SPATA9: variants seen among roughly 807,000 people sequenced by gnomAD.
SPATA9 encodes the protein spermatogenesis associated 9, also known as spermatogenesis-associated protein 9.
SPATA9 carries 27 observed loss-of-function variants against 25.5 expected under a neutral mutation model. The observed-to-expected ratio is 1.06, with a 90% CI of 0.78 to 1.46. The LOEUF is 1.46. SPATA9 is among the 40% of genes most tolerant of loss of function. The pLI is 0.00. For missense variants in SPATA9, 282 were observed against 297.5 expected, an observed-to-expected ratio of 0.95 and a Z score of 0.38; for synonymous variants, 102 against 105.7, an observed-to-expected ratio of 0.97 and a Z score of 0.21.
chr5:95,700,580 G>A (rs372907927), upstream of SPATA9, among the ~76,000 whole-genome samples: 7 of 151,390 alleles, frequency 4.6e-5, no homozygotes, highest in East Asian at 1.0e-3. Context: ...TTACAGACTT[G>A]AGCCACCGCG....
chr5:95,654,363 T>G (rs200861427), downstream of SPATA9: 2 of 1,588,762 alleles, frequency 1.3e-6, no homozygotes, highest in Non-Finnish European at 1.7e-6. Context: ...TTGGGAGATA[T>G]AGAGGTATGT....
chr5:95,655,901 C>T (rs368220327), downstream of SPATA9: 7 of 692,016 alleles, frequency 1.0e-5, no homozygotes, highest in East Asian at 1.4e-4. Context: ...TTAGGATCTG[C>T]TTTATGCTGA....
In SPATA9 at chr5:95,675,819, C is replaced by CTT. The variant is rs33943918; in HGVS notation, c.151-182_151-181dup. Among the ~76,000 whole-genome samples, 103 of 108,022 alleles carry CTT rather than the reference C, an allele frequency of 9.5e-4. 2 individuals are homozygous for CTT. The highest frequency in any genetic ancestry group is 1.2e-3 in the African/African-American group (33 of 27,422). The allele number at this position is 108,022 out of a possible 152,430, so 70.9% of individuals were successfully genotyped here. A position where few individuals can be genotyped will look rare whatever the true frequency, so the allele number is the denominator to read the frequency against. ...TGAATTCCCTGCCATGTACTTAAACCTTTTTTTTTTTTTTTTTTTTTTATG... is the reference window on the plus strand; with the variant it reads ...TGAATTCCCTGCCATGTACTTAAACCTTTTTTTTTTTTTTTTTTTTTTTTATG... On this transcript the variant is annotated intron_variant, in intron 2 of 4. Transcript: ENST00000274432.
the SPATA9 span, among the ~76,000 whole-genome samples, chr5:95,725,675 T>A: frequency 6.6e-6 from 1 of 152,274 alleles, no homozygotes; most frequent in South Asian, 2.1e-4. Context: ...CCACAAAATT[T>A]ACTACTTGTA....
chr5:95,664,540 T>C (rs1272110853), intron 3 of SPATA9, among the ~76,000 whole-genome samples: 1 of 152,216 alleles, frequency 6.6e-6, no homozygotes, highest in African/African-American at 2.4e-5. Flanking sequence ...GAAAATGTTC[T>C]GTGCTCATAT....
chr5:95,675,474 C>T lies in SPATA9; in HGVS notation c.316G>A (p.Asp106Asn), dbSNP rs748615336. Residue 106 changes from aspartate to asparagine, a missense_variant, in exon 3 of 5, where the codon GAC becomes AAC. Asp to Asn is a conservative substitution (Grantham distance 23). Coordinates refer to ENST00000274432, the MANE Select transcript of SPATA9 (RefSeq NM_031952.4). The stretch of plus-strand genomic sequence containing the variant: ...TCCCTCAGCAGACGACCAGATATGT[C>T]CCTTAGCTCTAAAAGTCTGCATGCA... The part of the protein sequence containing the change: ...QLACRLLELR[D>N]ISGRLLREVN... The T allele has an allele frequency of 6.2e-7, 1 of 1,614,164 alleles. No individual in the cohort carries two copies. The highest frequency in any genetic ancestry group is 8.5e-7 in the Non-Finnish European group (1 of 1,180,032).
At chr5:95,686,431 C>T (rs1753747874), upstream of SPATA9, among the ~76,000 whole-genome samples, 1 of 151,672 alleles carries the variant, frequency 6.6e-6, no homozygotes, top group African/African-American at 2.4e-5. Flanking sequence ...GCCCCCAAAA[C>T]CTCCAAGTTA....
chr5:95,708,534 CCAAT>C, the SPATA9 span: 1 of 693,744 alleles, frequency 1.4e-6, no homozygotes, highest in African/African-American at 1.8e-5. Context: ...TTACAAATGT[CCAAT>C]CAGGGCAGAA....
At chr5:95,731,933 G>A in the SPATA9 span, 2 of 1,614,146 alleles carry the variant, frequency 1.2e-6, no homozygotes, top group South Asian at 1.1e-5. Context: ...GGGCTTATCC[G>A]CACTTACCTG....
At chr5:95,728,032 G>C in the SPATA9 span, among the ~76,000 whole-genome samples, 1 of 152,224 alleles carries the variant, frequency 6.6e-6, no homozygotes, top group Admixed American at 6.5e-5. Context: ...AGAGAATGGA[G>C]AGACACACTT....
chr5:95,694,959 T>C (rs1040977292), intron 1 of SPATA9, among the ~76,000 whole-genome samples: 1 of 152,162 alleles, frequency 6.6e-6, no homozygotes, highest in African/African-American at 2.4e-5. Context: ...TCACTAATTA[T>C]TGAAAGCTAC....
chr5:95,681,749 C>T (rs975359889), intron 2 of SPATA9, among the ~76,000 whole-genome samples: 2 of 152,110 alleles, frequency 1.3e-5, no homozygotes, highest in African/African-American at 4.8e-5. Flanking sequence ...TTTGTGATTA[C>T]TGTGTTAATC....
At chr5:95,712,951 T>C in the SPATA9 span, among the ~76,000 whole-genome samples, 1 of 152,232 alleles carries the variant, frequency 6.6e-6, no homozygotes, top group Non-Finnish European at 1.5e-5. Flanking sequence ...ATGCATTTCC[T>C]GTTAGCTGCA....
Position 95,680,878 on chromosome 5 carries a change from G to A in SPATA9, c.150+1650C>T, listed in dbSNP as rs146076856. Among the ~76,000 whole-genome samples the A allele has an allele frequency of 1.2e-3, 179 of 152,268 alleles. 2 individuals are homozygous for A. The highest frequency in any genetic ancestry group is 0.01 in the Middle Eastern group (3 of 294). ...CTCCAAAGCTGCTCTTCCTCATCTT[G>A]TCTTTGGTCCTAGTTAACGGGATCA... On this transcript the variant is annotated intron_variant, in intron 2 of 4. Coordinates refer to ENST00000274432, the MANE Select transcript of SPATA9 (RefSeq NM_031952.4).
At chr5:95,677,818 GT>G (rs1753087172) in intron 2 of SPATA9, among the ~76,000 whole-genome samples, 1 of 152,068 alleles carries the variant, frequency 6.6e-6, no homozygotes, top group African/African-American at 2.4e-5. Flanking sequence ...AAAATTGACT[GT>G]ATTTATCCTA....
chr5:95,683,057 T>C (rs1285129296), upstream of SPATA9: 5 of 1,223,806 alleles, frequency 4.1e-6, no homozygotes, highest in Non-Finnish European at 4.1e-6. Flanking sequence ...CTGACATCAC[T>C]CTGGCAGTGA....
chr5:95,666,567 TTAA>T (rs1227340777), intron 3 of SPATA9, among the ~76,000 whole-genome samples: 2 of 152,176 alleles, frequency 1.3e-5, no homozygotes, highest in Non-Finnish European at 2.9e-5. Flanking sequence ...AGAGGGAATA[TTAA>T]TAATAGTAAT....
At chr5:95,711,674 ACT>A in the SPATA9 span, among the ~76,000 whole-genome samples, 1 of 151,766 alleles carries the variant, frequency 6.6e-6, no homozygotes, top group South Asian at 2.1e-4. Context: ...GGTGAGGGAG[ACT>A]CTCCTCTTCT....
At chr5:95,722,924 G>T in the SPATA9 span, among the ~76,000 whole-genome samples, 1 of 152,188 alleles carries the variant, frequency 6.6e-6, no homozygotes, top group Non-Finnish European at 1.5e-5. Flanking sequence ...CATATGTTCT[G>T]CTATTTTTAA....
Sources: gnomAD v4.1 joint callset for allele counts (sites outside exome capture counted in the v4.1 genomes callset) on GRCh38, gnomAD v4.1.1 for gene constraint, MANE v1.5 for transcripts, NCBI Gene and HGNC (gene_info 2026-07-23, HGNC 2026-07-21) for gene names.